Variants in CCDC178 observed in about 807,000 individuals in gnomAD.
CCDC178 encodes coiled-coil domain-containing protein 178.
In CCDC178, 126 loss-of-function variants were observed where a neutral mutation model predicts 117.4. The ratio of observed to expected loss-of-function variants is 1.07; its 90% CI spans 0.93 to 1.24. The LOEUF (loss-of-function observed/expected upper bound fraction) is 1.24, where lower values mean the gene tolerates loss of function less well. CCDC178 is among the 50% of genes most tolerant of loss of function. The pLI, the probability that CCDC178 is intolerant of heterozygous loss-of-function variation, is 0.00. For missense variants in CCDC178, 1,030 were observed against 986.9 expected (o/e 1.04, Z -0.59); for synonymous variants, 283 against 313.4 (o/e 0.90, Z 1.02).
intron 20 of CCDC178, among the ~76,000 whole-genome samples, chr18:33,139,832 A>G (rs961558730): frequency 1.8e-4 from 27 of 152,296 alleles, no homozygotes; most frequent in African/African-American, 6.0e-4. Flanking sequence ...CCAAATGTTA[A>G]TCCCCAAGAC....
Position 33,346,226 on chromosome 18 carries a change from A to T in CCDC178, c.643T>A (p.Leu215Met). 6.2e-7 allele frequency: 1 copy of T among 1,612,354 alleles called. No homozygotes were observed. Among genetic ancestry groups the T allele is most frequent in the Non-Finnish European group, 8.5e-7 (1 of 1,178,606 alleles). ...CTATTATTACCTTTCTGCACAGCCA[A>T]TGGGAGTTCTTGAAGTTTCCAGACT... ...WSVWKLQELP[L>M]AVQKEHEAYL... The change falls in exon 9 of 23, where the codon TTG (leucine) becomes ATG (methionine). Residue 215 changes from leucine to methionine, a missense_variant. Physicochemically the swap from Leu to Met is conservative, Grantham distance 15. Transcript: ENST00000383096.
intron 21 of CCDC178, among the ~76,000 whole-genome samples, chr18:33,000,106 A>C (rs2144766967): frequency 6.6e-6 from 1 of 152,238 alleles, no homozygotes; most frequent in African/African-American, 2.4e-5. Flanking sequence ...CCATCGAGAA[A>C]GAATTCAGAA....
At chr18:33,261,589 C>G (rs139200075) in intron 14 of CCDC178, among the ~76,000 whole-genome samples, 1 of 152,218 alleles carries the variant, frequency 6.6e-6, no homozygotes, top group East Asian at 1.9e-4. Flanking sequence ...CTGTTGCTAT[C>G]TACTGATATT....
intron 20 of CCDC178, among the ~76,000 whole-genome samples, chr18:33,102,279 G>T (rs1043608214): frequency 2.6e-5 from 4 of 151,630 alleles, no homozygotes; most frequent in African/African-American, 9.7e-5. Context: ...ACCCTTTCTG[G>T]GTTTACATCC....
At chr18:33,097,176 TAATAGA>T (rs2057555867) in intron 20 of CCDC178, among the ~76,000 whole-genome samples, 1 of 152,080 alleles carries the variant, frequency 6.6e-6, no homozygotes, top group Non-Finnish European at 1.5e-5. Context: ...CTGGCTTATA[TAATAGA>T]AAGCATACAG....
At chr18:33,307,985 G>T (rs1783259123) in intron 11 of CCDC178, among the ~76,000 whole-genome samples, 2 of 152,246 alleles carry the variant, frequency 1.3e-5, no homozygotes, top group Non-Finnish European at 2.9e-5. Context: ...GAGAACCTCT[G>T]CTAGAGCAGT....
intron 21 of CCDC178, among the ~76,000 whole-genome samples, chr18:33,015,934 T>A (rs754177303): frequency 6.6e-6 from 1 of 152,156 alleles, no homozygotes; most frequent in Non-Finnish European, 1.5e-5. Context: ...AATAGGTCAT[T>A]TGAGATTCTT....
intron 9 of CCDC178, among the ~76,000 whole-genome samples, chr18:33,343,114 T>C (rs541353972): frequency 6.6e-6 from 1 of 152,268 alleles, no homozygotes; most frequent in East Asian, 1.9e-4. Context: ...CTGTGATTTT[T>C]TTTTTCCTCT....
intron 7 of CCDC178, among the ~76,000 whole-genome samples, chr18:33,354,513 C>T (rs1209058911): frequency 5.3e-5 from 8 of 151,948 alleles, no homozygotes; most frequent in African/African-American, 1.9e-4. Flanking sequence ...ATTAACTTAT[C>T]ATCAAATTCA....
At chr18:33,091,423 G>A (rs979806320) in intron 21 of CCDC178, among the ~76,000 whole-genome samples, 2 of 131,380 alleles carry the variant, frequency 1.5e-5, no homozygotes, top group Non-Finnish European at 3.1e-5. Flanking sequence ...TGCCATGTCC[G>A]CATCCTGGGC....
intron 14 of CCDC178, among the ~76,000 whole-genome samples, chr18:33,260,791 T>C (rs2059737370): frequency 6.6e-6 from 1 of 151,942 alleles, no homozygotes; most frequent in African/African-American, 2.4e-5. Context: ...TTTTTTTTTG[T>C]TTTTTTTCAT....
chr18:33,294,016 G>C (rs2062072542), intron 11 of CCDC178, among the ~76,000 whole-genome samples: 1 of 152,128 alleles, frequency 6.6e-6, no homozygotes, highest in Admixed American at 6.6e-5. Context: ...AAAAGACCAA[G>C]CAGTTATTGC....
At chr18:33,009,424 T>C (rs1194094493) in intron 21 of CCDC178, among the ~76,000 whole-genome samples, 1 of 152,116 alleles carries the variant, frequency 6.6e-6, no homozygotes, top group Non-Finnish European at 1.5e-5. Context: ...TTCTCTCTTT[T>C]ACACTGGCCC....
intron 6 of CCDC178, among the ~76,000 whole-genome samples, chr18:33,363,312 C>T (rs550657557): frequency 1.1e-4 from 17 of 151,992 alleles, no homozygotes; most frequent in African/African-American, 4.1e-4. Context: ...AACCAAGAGA[C>T]AGTTGAAAAT....
At chr18:33,116,503 G>A (rs2057857766) in intron 20 of CCDC178, among the ~76,000 whole-genome samples, 1 of 152,118 alleles carries the variant, frequency 6.6e-6, no homozygotes, top group South Asian at 2.1e-4. Context: ...GCCCAGCTGG[G>A]TTCCCGGCTT....
At chr18:33,432,309 T>A (rs1568223758) in intron 2 of CCDC178, among the ~76,000 whole-genome samples, 1 of 64,048 alleles carries the variant, frequency 1.6e-5, no homozygotes, top group African/African-American at 5.1e-5. Flanking sequence ...GTTCTTTACA[T>A]ACTCCGTTTC....
chr18:33,202,460 A>C (rs1173165825), intron 20 of CCDC178, among the ~76,000 whole-genome samples: 1 of 151,596 alleles, frequency 6.6e-6, no homozygotes, highest in Non-Finnish European at 1.5e-5. Context: ...TCTTTTAAGA[A>C]AATTCAGTCG....
intron 21 of CCDC178, among the ~76,000 whole-genome samples, chr18:33,075,311 A>G (rs1598855323): frequency 6.6e-6 from 1 of 152,128 alleles, no homozygotes. Flanking sequence ...ATTTTTAGAG[A>G]GGTAGAAACA....
At chr18:33,074,227 ATAT>A (rs1457616727) in intron 21 of CCDC178, among the ~76,000 whole-genome samples, 1 of 152,036 alleles carries the variant, frequency 6.6e-6, no homozygotes, top group Non-Finnish European at 1.5e-5. Flanking sequence ...ATGTGCATAT[ATAT>A]TAAAGCATGC....
Sources: allele counts gnomAD v4.1 joint callset (sites outside exome capture counted in the v4.1 genomes callset), GRCh38; gene constraint gnomAD v4.1.1; transcripts MANE v1.5; gene names NCBI Gene and HGNC (gene_info 2026-07-23, HGNC 2026-07-21).